The following PTPRD variants were observed in gnomAD, a reference collection of about 807,000 sequenced individuals.
The protein encoded by PTPRD is protein tyrosine phosphatase receptor type D.
Under a neutral mutation model 214.5 loss-of-function variants are expected in PTPRD, and 34 were observed. The ratio of observed to expected loss-of-function variants is 0.16; its 90% CI spans 0.12 to 0.21. The LOEUF (loss-of-function observed/expected upper bound fraction) is 0.21. PTPRD is among the 10% of genes least tolerant of loss of function. PTPRD has a pLI of 1.00. For missense variants in PTPRD, 2,545 were observed against 2,398.7 expected (o/e 1.06, Z -1.27); for synonymous variants, 1,128 against 845.7 (o/e 1.33, Z -5.79).
chr9:9,799,925 G>A (rs981804303), intron 5 of PTPRD, among the ~76,000 whole-genome samples: 2 of 151,982 alleles, frequency 1.3e-5, no homozygotes, highest in African/African-American at 4.8e-5. Flanking sequence ...CAGAGAAAAA[G>A]GACAAGGATT....
intron 37 of PTPRD, among the ~76,000 whole-genome samples, chr9:8,388,652 A>G (rs1007487365): frequency 3.7e-4 from 56 of 152,318 alleles, no homozygotes; most frequent in African/African-American, 1.3e-3. Context: ...CTATGACTCC[A>G]TTATTAAAAT....
chr9:10,029,505 C>A (rs999962728), intron 4 of PTPRD, among the ~76,000 whole-genome samples: 10 of 152,176 alleles, frequency 6.6e-5, no homozygotes, highest in Non-Finnish European at 5.9e-5. Context: ...TCAGCATGAC[C>A]AGGATGTGAG....
At chr9:8,444,905 C>T (rs769168929) in intron 34 of PTPRD, among the ~76,000 whole-genome samples, 17 of 152,152 alleles carry the variant, frequency 1.1e-4, no homozygotes, top group South Asian at 2.1e-4. Context: ...CATCCTAGTG[C>T]GCACCCAGTT....
chr9:8,790,874 G>A (rs62528842), intron 11 of PTPRD, among the ~76,000 whole-genome samples: 14,831 of 151,984 alleles, frequency 0.098, 760 homozygotes, highest in East Asian at 0.19. Flanking sequence ...GTAAAAATTC[G>A]GTCCCTCAGT....
intron 2 of PTPRD, among the ~76,000 whole-genome samples, chr9:10,461,655 C>T (rs1211032453): frequency 1.3e-5 from 2 of 148,752 alleles, no homozygotes; most frequent in Non-Finnish European, 3.0e-5. Context: ...TGGAGTCTCG[C>T]TCTGTCTCCC....
intron 44 of PTPRD, among the ~76,000 whole-genome samples, chr9:8,321,027 T>G (rs971142764): frequency 1.2e-4 from 18 of 152,062 alleles, no homozygotes; most frequent in African/African-American, 4.1e-4. Flanking sequence ...TAAATGGGGT[T>G]TCTACAGTCT....
At chr9:9,562,909 G>A (rs1318377930) in intron 8 of PTPRD, among the ~76,000 whole-genome samples, 1 of 152,034 alleles carries the variant, frequency 6.6e-6, no homozygotes, top group African/African-American at 2.4e-5. Context: ...AGCTCCATGT[G>A]GGCAGACATC....
chr9:9,048,287 A>G (rs1474788588), intron 10 of PTPRD, among the ~76,000 whole-genome samples: 1 of 152,158 alleles, frequency 6.6e-6, no homozygotes, highest in Non-Finnish European at 1.5e-5. Context: ...ATGATCCAGC[A>G]ATCCTGCTGC....
chr9:8,564,674 T>G (rs191863932), intron 14 of PTPRD, among the ~76,000 whole-genome samples: 64 of 152,274 alleles, frequency 4.2e-4, no homozygotes, highest in Admixed American at 6.5e-4. Flanking sequence ...TACTCCAGCC[T>G]GGGCGACAGA....
At chr9:10,311,051 T>G (rs933662737) in intron 3 of PTPRD, among the ~76,000 whole-genome samples, 2 of 152,056 alleles carry the variant, frequency 1.3e-5, no homozygotes, top group African/African-American at 4.8e-5. Flanking sequence ...GATCCAACTT[T>G]GCATATTCAA....
At chr9:10,015,671 T>C (rs1449926224) in intron 4 of PTPRD, among the ~76,000 whole-genome samples, 1 of 152,134 alleles carries the variant, frequency 6.6e-6, no homozygotes, top group Non-Finnish European at 1.5e-5. Flanking sequence ...AATTCTGATA[T>C]ATTACTAAAA....
At chr9:10,059,905 T>A (rs978296854) in intron 3 of PTPRD, among the ~76,000 whole-genome samples, 17 of 151,900 alleles carry the variant, frequency 1.1e-4, no homozygotes, top group African/African-American at 3.6e-4. Flanking sequence ...ATGGCAAAAA[T>A]GTTATTCTCA....
At position 8,500,901 on chromosome 9, in the gene PTPRD, C is replaced by T. The variant is rs2097389761; in HGVS notation, c.1981G>A (p.Glu661Lys). 1.2e-6 allele frequency: 2 copies of T among 1,614,076 alleles called. No individual in the cohort carries two copies. Among genetic ancestry groups the T allele is most frequent in the African/African-American group, 1.3e-5 (1 of 75,018 alleles). Residue 661 changes from glutamate to lysine, a missense_variant, in exon 24 of 46, where the codon GAG (glutamate) becomes AAG (lysine). Physicochemically the swap from Glu to Lys is moderately conservative, Grantham distance 56. Transcript: ENST00000381196. ...GTGTCCGAAGGAATTCCCAAAATCT[C>T]GTGAGGCTTGTCATCTTCCCCATCC... is the stretch of plus-strand genomic sequence containing the variant. ...AVDGEDDKPHEILGIPSDTTK... is the reference protein window; with the variant it reads ...AVDGEDDKPHKILGIPSDTTK...
intron 9 of PTPRD, among the ~76,000 whole-genome samples, chr9:9,267,646 T>G (rs1940624470): frequency 6.6e-6 from 1 of 151,090 alleles, no homozygotes. Context: ...ACCAGCAAAA[T>G]GAATTCAATA....
chr9:9,789,989 A>G (rs1054483602), intron 5 of PTPRD, among the ~76,000 whole-genome samples: 10 of 152,036 alleles, frequency 6.6e-5, no homozygotes, highest in African/African-American at 1.9e-4. Context: ...ATCTTTGTGA[A>G]ACAACTAAAA....
intron 8 of PTPRD, among the ~76,000 whole-genome samples, chr9:9,568,056 A>T (rs2085142938): frequency 6.6e-6 from 1 of 151,776 alleles, no homozygotes. Context: ...AAGATAGGAC[A>T]TTGGGCACAA....
rs137861205 is a variant in PTPRD at position 8,617,437 on chromosome 9, A to G, written c.352+15880T>C. On this transcript the variant is annotated intron_variant, in intron 14 of 45. Transcript: ENST00000381196. ...AGTGGATGTGCAAAACCTGATGTAC[A>G]TAAGTAATTTATTCCTATTCCTGAT... Among the ~76,000 whole-genome samples, 168 of 152,244 alleles carry G rather than the reference A, an allele frequency of 1.1e-3. 3 individuals carry two copies. The highest frequency in any genetic ancestry group is 3.9e-3 in the African/African-American group (162 of 41,576).
intron 10 of PTPRD, among the ~76,000 whole-genome samples, chr9:9,130,964 T>G (rs935672042): frequency 3.9e-5 from 6 of 152,216 alleles, no homozygotes; most frequent in African/African-American, 1.4e-4. Context: ...TATCTTCATT[T>G]CCTGGTACAA....
intron 8 of PTPRD, among the ~76,000 whole-genome samples, chr9:9,493,173 A>T (rs541749157): frequency 3.3e-5 from 5 of 152,150 alleles, no homozygotes; most frequent in African/African-American, 1.2e-4. Context: ...TTCATTTACC[A>T]TTCTGAAAAT....
Sources: allele counts gnomAD v4.1 joint callset (sites outside exome capture counted in the v4.1 genomes callset), GRCh38; gene constraint gnomAD v4.1.1; transcripts MANE v1.5; gene names NCBI Gene and HGNC (gene_info 2026-07-23, HGNC 2026-07-21).